The following WBP2 variants were observed in gnomAD, a reference collection of about 807,000 sequenced individuals.
The protein encoded by WBP2 is WW domain binding protein 2.
WBP2 carries 23 observed loss-of-function variants against 33.0 expected under a neutral mutation model. The observed-to-expected ratio is 0.70, with a 90% CI of 0.50 to 0.99. The LOEUF (loss-of-function observed/expected upper bound fraction) is 0.99, where lower values mean the gene tolerates loss of function less well. Ranked by LOEUF, WBP2 falls within the 50% of genes least tolerant of loss-of-function variation. WBP2 has a pLI of 0.00. For synonymous variants in WBP2, 153 were observed against 133.5 expected, an observed-to-expected ratio of 1.15 and a Z score of -1.01; for missense variants, 353 against 358.0, an observed-to-expected ratio of 0.99 and a Z score of 0.11.
Position 75,846,732 on chromosome 17 carries a change from G to A in WBP2, c.*2C>T. On this transcript the variant is annotated 3_prime_UTR_variant, in exon 8 of 8. Transcript: ENST00000254806. The surrounding 1 kb of genome is among the most constrained non-coding windows in gnomAD (Gnocchi z 4.8). ...GGGTGGGAGGCAGGGAGGCAGGAGGGCCTACTGGGTCTTCTTATCTTCCGG... is the reference window on the plus strand; with the variant it reads ...GGGTGGGAGGCAGGGAGGCAGGAGGACCTACTGGGTCTTCTTATCTTCCGG... The A allele has an allele frequency of 6.6e-7, 1 of 1,521,354 alleles. No individual in the cohort carries two copies. Among genetic ancestry groups the A allele is most frequent in the Non-Finnish European group, 8.8e-7 (1 of 1,132,082 alleles). The allele number at this position is 1,521,354 out of a possible 1,614,324, so 94.2% of individuals were successfully genotyped here. A position where few individuals can be genotyped will look rare whatever the true frequency, so the allele number is the denominator to read the frequency against.
At chr17:75,855,712 C>T (rs566828207), upstream of WBP2, among the ~76,000 whole-genome samples, 1 of 152,378 alleles carries the variant, frequency 6.6e-6, no homozygotes, top group East Asian at 1.9e-4. Context: ...CTTGGGGACT[C>T]CGGCAGCGCG....
Position 75,847,802 on chromosome 17 carries a change from G to T in WBP2, c.526C>A (p.Pro176Thr). 6.4e-7 allele frequency: 1 copy of T among 1,556,950 alleles called. No individual in the cohort carries two copies. The highest frequency in any genetic ancestry group is 2.4e-5 in the East Asian group (1 of 41,672). Residue 176 changes from proline to threonine, a missense_variant, in exon 5 of 8, where the codon CCA becomes ACA. Pro to Thr is a conservative substitution (Grantham distance 38). Coordinates refer to ENST00000254806, the MANE Select transcript of WBP2 (RefSeq NM_012478.4). ...CAGCAAAGGACACACTCACCAGGTG[G>T]GGGCGGTGGATAGGGGTAGCCAGGA... ...CPPGYPYPPP[P>T]PEFYPGPPMM... is the part of the protein sequence containing the mutation.
upstream of WBP2, chr17:75,856,244 C>G (rs2065057988): frequency 6.6e-6 from 1 of 152,406 alleles, no homozygotes; most frequent in African/African-American, 2.4e-5. Flanking sequence ...CTAACCGCCC[C>G]CCACCAAACC....
At chr17:75,856,013 G>T (rs1483030923), upstream of WBP2, among the ~76,000 whole-genome samples, 1 of 152,182 alleles carries the variant, frequency 6.6e-6, no homozygotes, top group Admixed American at 6.5e-5. Flanking sequence ...CACCACGTTC[G>T]CAGGCCGGCC....
rs1254895619 is a variant in WBP2, at chr17:75,846,555, G to A, written c.*179C>T. 1 of 782,922 alleles carries A rather than the reference G, an allele frequency of 1.3e-6. No homozygotes were observed. Among genetic ancestry groups the A allele is most frequent in the South Asian group, 1.6e-5 (1 of 62,086 alleles). The allele number at this position is 782,922 out of a possible 1,614,324, so 48.5% of individuals were successfully genotyped here. On this transcript the variant is annotated 3_prime_UTR_variant, in exon 8 of 8. Coordinates refer to ENST00000254806, the MANE Select transcript of WBP2 (RefSeq NM_012478.4). This position sits in a 1 kb window ranked among gnomAD's most constrained non-coding sequence, Gnocchi z 4.8. ...GCTCCGGGCTGGCATGGGAAGCTGG[G>A]CGGCACCTCTCCCGAGGCCGGGGGC... is the stretch of plus-strand genomic sequence containing the variant.
chr17:75,848,761 G>C (rs930844956), intron 3 of WBP2, 99 bp from the exon 4 acceptor site: 50 of 1,109,072 alleles, frequency 4.5e-5, no homozygotes, highest in Non-Finnish European at 6.1e-5. Flanking sequence ...CAACGCCCGG[G>C]AGGCCTGCGG....
chr17:75,847,288 G>T, intron 6 of WBP2, 199 bp downstream of exon 6: 1 of 887,066 alleles, frequency 1.1e-6, no homozygotes, highest in Non-Finnish European at 1.7e-6. Flanking sequence ...CAGGGCACAT[G>T]GATAGCTAAG....
intron 1 of WBP2, among the ~76,000 whole-genome samples, chr17:75,854,315 C>T (rs2065045245): frequency 1.3e-5 from 2 of 152,152 alleles, no homozygotes. Context: ...CTTCTGCCTT[C>T]AAGAGGCAAT....
intron 1 of WBP2, among the ~76,000 whole-genome samples, chr17:75,854,640 A>C (rs2065046883): frequency 6.6e-6 from 1 of 152,098 alleles, no homozygotes; most frequent in African/African-American, 2.4e-5. Context: ...TCAGTTTTTT[A>C]CCGGGAACCT....
At position 75,848,904 on chromosome 17, in the gene WBP2, T is replaced by C. The variant is rs1234234078; in HGVS notation, c.305-242A>G. 8 of 558,224 alleles carry C rather than the reference T, an allele frequency of 1.4e-5. No homozygotes were observed. In the Admixed American group the frequency reaches 2.5e-4, roughly 17 times the overall value. The allele number at this position is 558,224 out of a possible 1,614,324, so 34.6% of individuals were successfully genotyped here. On this transcript the variant is annotated intron_variant, in intron 3 of 7. Coordinates refer to ENST00000254806, the MANE Select transcript of WBP2 (RefSeq NM_012478.4). Reference sequence around the variant, plus strand: ...CCCCCTTTGGAACAATGGCCTCTCCTTCCTGGAACAAGCCTGTCCTCCCAC... The same window carrying C: ...CCCCCTTTGGAACAATGGCCTCTCCCTCCTGGAACAAGCCTGTCCTCCCAC...
rs774862579 is a variant in WBP2 at position 75,846,714 on chromosome 17, A to G, written c.*20T>C. 51 of 1,509,848 alleles carry G rather than the reference A, an allele frequency of 3.4e-5. No individual in the cohort carries two copies. Among genetic ancestry groups the G allele is most frequent in the Admixed American group, 4.4e-5 (2 of 45,504 alleles). 93.5% of individuals were successfully genotyped at this position (1,509,848 alleles called of 1,614,324 possible). A position where few individuals can be genotyped will look rare whatever the true frequency, so the allele number is the denominator to read the frequency against. On this transcript the variant is annotated 3_prime_UTR_variant, in exon 8 of 8. Coordinates refer to ENST00000254806, the MANE Select transcript of WBP2 (RefSeq NM_012478.4). The surrounding 1 kb of genome is among the most constrained non-coding windows in gnomAD (Gnocchi z 4.8). ...GGTAGGGTAGAGAGATGAGGGTGGG[A>G]GGCAGGGAGGCAGGAGGGCCTACTG...
Position 75,848,592 on chromosome 17 carries a change from C to A in WBP2, c.375G>T (p.Arg125=), listed in dbSNP as rs1239216262. The change falls in exon 4 of 8, where the codon CGG becomes CGT. Residue 125 remains arginine (R), a synonymous_variant. Transcript: ENST00000254806. ...TAGGAIEFGQ[R]MLQVASQASR... ...TACCTTGAGATGCCACCTGGAGCAT[C>A]CGCTGTCCGAACTCAATGGCGCCCC... is the stretch of plus-strand genomic sequence containing the variant. 18 of 1,613,854 alleles carry A rather than the reference C, an allele frequency of 1.1e-5. No homozygotes were observed. Among genetic ancestry groups the A allele is most frequent in the Admixed American group, 1.7e-5 (1 of 59,988 alleles).
In WBP2 at chr17:75,846,758, T is replaced by A; in HGVS notation, c.762A>T (p.Pro254=). The change falls in exon 8 of 8, where the codon CCA becomes CCT. Residue 254 remains proline (P), a synonymous_variant. Transcript: ENST00000254806. The surrounding 1 kb of genome is among the most constrained non-coding windows in gnomAD (Gnocchi z 4.8). The part of the protein sequence containing the change: ...TSQPPPPPYY[P]PEDKKTQ ...CCTACTGGGTCTTCTTATCTTCCGG[T>A]GGGTAGTAGGGAGGTGGCGGCGGCT... 1 of 1,533,420 alleles carries A rather than the reference T, an allele frequency of 6.5e-7. No homozygotes were observed. Among genetic ancestry groups the A allele is most frequent in the Non-Finnish European group, 8.8e-7 (1 of 1,138,848 alleles). The allele number at this position is 1,533,420 out of a possible 1,614,324, so 95.0% of individuals were successfully genotyped here.
chr17:75,855,286 G>T lies in WBP2; in HGVS notation c.12C>A (p.Asn4Lys), dbSNP rs1599427492. 6.2e-7 allele frequency: 1 copy of T among 1,611,020 alleles called. No homozygotes were observed. Residue 4 changes from asparagine to lysine, a missense_variant, in exon 1 of 8, where the codon AAC becomes AAA. Physicochemically the swap from Asn to Lys is moderately conservative, Grantham distance 94. Transcript: ENST00000254806. ...CTCCGCCGCCCTCCGAGTGATTCTT[G>T]TTGAGCGCCATAGTCTCTCCAACAG... MALNKNHSEGGGVI... is the reference protein window; with the variant it reads MALKKNHSEGGGVI...
chr17:75,848,993 G>A, intron 3 of WBP2: 1 of 363,912 alleles, frequency 2.7e-6, no homozygotes, highest in Non-Finnish European at 5.2e-6. Context: ...CCCCAGTCAA[G>A]CACTCGGCAG....
Position 75,846,790 on chromosome 17 carries a change from AAAG to A in WBP2, c.733-6_733-4del, listed in dbSNP as rs752318773. The A allele has an allele frequency of 1.3e-6, 2 of 1,568,198 alleles. No homozygotes were observed. Among genetic ancestry groups the A allele is most frequent in the East Asian group, 2.3e-5 (1 of 43,564 alleles). ...TAGGGAGGTGGCGGCGGCTGGCTCT[AAAG>A]AAGGGAGAAAGGAGAGACTTGCATT... On this transcript the variant is annotated splice_region_variant and splice_polypyrimidine_tract_variant and intron_variant, in intron 7 of 7. Coordinates refer to ENST00000254806, the MANE Select transcript of WBP2 (RefSeq NM_012478.4). The surrounding 1 kb of genome is among the most constrained non-coding windows in gnomAD (Gnocchi z 4.8).
At chr17:75,855,949 G>C (rs1053883101), upstream of WBP2, among the ~76,000 whole-genome samples, 3 of 152,214 alleles carry the variant, frequency 2.0e-5, no homozygotes, top group African/African-American at 4.8e-5. Context: ...CTGAGCCCGG[G>C]GGGCGGGGAG....
upstream of WBP2, among the ~76,000 whole-genome samples, chr17:75,855,685 C>G (rs1449631603): frequency 6.6e-6 from 1 of 152,256 alleles, no homozygotes; most frequent in Non-Finnish European, 1.5e-5. Flanking sequence ...CAGTTCCGCT[C>G]CTGGCAGGGG....
intron 2 of WBP2, among the ~76,000 whole-genome samples, 175 bp from the exon 3 acceptor site, chr17:75,849,914 C>G (rs539544900): frequency 6.6e-6 from 1 of 152,316 alleles, no homozygotes; most frequent in South Asian, 2.1e-4. Flanking sequence ...AAGGGCTCAC[C>G]GCAGCCTGGA....
Sources: allele counts gnomAD v4.1 joint callset (sites outside exome capture counted in the v4.1 genomes callset), GRCh38; gene constraint gnomAD v4.1.1; non-coding constraint Gnocchi (gnomAD v3.1); transcripts MANE v1.5; gene names NCBI Gene and HGNC (gene_info 2026-07-23, HGNC 2026-07-21).